Variants in TMEM233 observed in about 807,000 individuals in gnomAD.
The protein encoded by TMEM233 is dispanin subfamily B member 2.
TMEM233 carries 6 observed loss-of-function variants against 11.2 expected under a neutral mutation model. The observed-to-expected ratio is 0.54, with a 90% confidence interval of 0.29 to 1.06. TMEM233 has a LOEUF of 1.06. TMEM233 is among the 50% of genes least tolerant of loss of function. The pLI is 0.08. For missense variants in TMEM233, 127 were observed against 144.7 expected, an observed-to-expected ratio of 0.88 and a Z score of 0.63; for synonymous variants, 59 against 55.8, an observed-to-expected ratio of 1.06 and a Z score of -0.26.
chr12:119,637,411 T>C (rs1343343311), intron 2 of TMEM233, among the ~76,000 whole-genome samples: 1 of 152,238 alleles, frequency 6.6e-6, no homozygotes, highest in Non-Finnish European at 1.5e-5. Context: ...TAGAAGACCT[T>C]GACCCATTCT....
intron 2 of TMEM233, among the ~76,000 whole-genome samples, chr12:119,636,685 C>T (rs985856933): frequency 1.3e-5 from 2 of 152,124 alleles, no homozygotes; most frequent in East Asian, 1.9e-4. Context: ...TTCAGCGGAA[C>T]GTCCTTAGCA....
At chr12:119,647,679 G>A (rs1445493851), downstream of TMEM233, among the ~76,000 whole-genome samples, 1 of 152,092 alleles carries the variant, frequency 6.6e-6, no homozygotes, top group East Asian at 1.9e-4. Context: ...GTAGGTATAT[G>A]TGTGCCATGG....
At chr12:119,637,512 G>A (rs767924699) in intron 2 of TMEM233, among the ~76,000 whole-genome samples, 6 of 152,182 alleles carry the variant, frequency 3.9e-5, no homozygotes, top group Non-Finnish European at 8.8e-5. Flanking sequence ...ATTGGAAGGA[G>A]ACATACATAT....
intron 2 of TMEM233, among the ~76,000 whole-genome samples, chr12:119,635,289 T>C (rs1226563695): frequency 6.6e-6 from 1 of 152,148 alleles, no homozygotes; most frequent in Non-Finnish European, 1.5e-5. Context: ...GGGATGTTTA[T>C]AAAAATGCAA....
At chr12:119,609,331 G>C (rs1019472989) in intron 1 of TMEM233, among the ~76,000 whole-genome samples, 9 of 152,194 alleles carry the variant, frequency 5.9e-5, no homozygotes, top group Admixed American at 5.9e-4. Context: ...GAAGGAAGTA[G>C]AGCATAAAAG....
chr12:119,639,477 C>T (rs986083431), intron 2 of TMEM233, among the ~76,000 whole-genome samples: 1 of 150,042 alleles, frequency 6.7e-6, no homozygotes, highest in Admixed American at 6.6e-5. Context: ...AAAAAATTAG[C>T]TGGGCATGGT....
chr12:119,631,866 T>C (rs1402080068), intron 2 of TMEM233, among the ~76,000 whole-genome samples: 1 of 152,232 alleles, frequency 6.6e-6, no homozygotes, highest in Non-Finnish European at 1.5e-5. Context: ...ACAGAATGTG[T>C]AGGTTGGTGT....
intron 2 of TMEM233, among the ~76,000 whole-genome samples, chr12:119,633,586 CA>C (rs1954925378): frequency 6.6e-6 from 1 of 151,794 alleles, no homozygotes; most frequent in Admixed American, 6.6e-5. Flanking sequence ...GACCCTGTCT[CA>C]AAAACTAAAT....
At chr12:119,633,427 A>AT (rs1223482464) in intron 2 of TMEM233, among the ~76,000 whole-genome samples, 25 of 151,410 alleles carry the variant, frequency 1.7e-4, no homozygotes, top group Non-Finnish European at 2.5e-4. Flanking sequence ...AAAAAAAAAA[A>AT]TTTTTTTTAA....
downstream of TMEM233, among the ~76,000 whole-genome samples, chr12:119,644,299 G>C (rs1259399544): frequency 1.3e-5 from 2 of 152,020 alleles, no homozygotes; most frequent in African/African-American, 4.8e-5. Context: ...GAGGGTGCGG[G>C]AAGGATGGTT....
At chr12:119,614,422 G>GAGAA (rs1954479632) in intron 1 of TMEM233, among the ~76,000 whole-genome samples, 2 of 151,902 alleles carry the variant, frequency 1.3e-5, no homozygotes, top group African/African-American at 2.4e-5. Flanking sequence ...GAGAGAGAGA[G>GAGAA]AGAGAGAGAG....
At chr12:119,615,423 C>T (rs1284407375) in intron 1 of TMEM233, among the ~76,000 whole-genome samples, 5 of 152,108 alleles carry the variant, frequency 3.3e-5, no homozygotes, top group Non-Finnish European at 7.3e-5. Flanking sequence ...TCTAGCTGCA[C>T]TCAGGATAAC....
At chr12:119,634,999 T>C (rs1954945349) in intron 2 of TMEM233, among the ~76,000 whole-genome samples, 1 of 152,244 alleles carries the variant, frequency 6.6e-6, no homozygotes, top group South Asian at 2.1e-4. Context: ...AGGGAATTGT[T>C]CTTGTCCAGA....
the TMEM233 span, among the ~76,000 whole-genome samples, chr12:119,649,881 G>C: frequency 2.2e-4 from 31 of 144,054 alleles, no homozygotes; most frequent in African/African-American, 8.2e-4. Context: ...AAAAAGGGCC[G>C]GGCGCGTTGG....
chr12:119,638,174 A>G (rs1038634473), intron 2 of TMEM233, among the ~76,000 whole-genome samples: 7 of 152,200 alleles, frequency 4.6e-5, no homozygotes, highest in African/African-American at 7.2e-5. Flanking sequence ...ACATATGCCA[A>G]TGCCGCTGGG....
chr12:119,600,387 T>TAAA (rs10682613), intron 1 of TMEM233, among the ~76,000 whole-genome samples: 39,494 of 139,572 alleles, frequency 0.28, 6,107 homozygotes, highest in Middle Eastern at 0.36. Context: ...GTGGGTAGAT[T>TAAA]AAAAAAAAAA....
chr12:119,602,994 C>T (rs1466593275), intron 1 of TMEM233, among the ~76,000 whole-genome samples: 1 of 152,156 alleles, frequency 6.6e-6, no homozygotes, highest in Non-Finnish European at 1.5e-5. Flanking sequence ...GAAGCTCATG[C>T]CTGTAATCCC....
chr12:119,651,511 G>A, the TMEM233 span, among the ~76,000 whole-genome samples: 1 of 152,068 alleles, frequency 6.6e-6, no homozygotes, highest in Non-Finnish European at 1.5e-5. Flanking sequence ...TGTCCAGTCA[G>A]GACCTGCCTT....
intron 2 of TMEM233, among the ~76,000 whole-genome samples, chr12:119,639,389 G>A (rs976045918): frequency 2.0e-5 from 3 of 151,802 alleles, no homozygotes; most frequent in South Asian, 4.2e-4. Flanking sequence ...AGGCTGAGGC[G>A]GGTGGATCAC....
Sources: gnomAD v4.1 joint callset for allele counts (sites outside exome capture counted in the v4.1 genomes callset) on GRCh38, gnomAD v4.1.1 for gene constraint, MANE v1.5 for transcripts, NCBI Gene and HGNC (gene_info 2026-07-23, HGNC 2026-07-21) for gene names.